The following MBD1 variants were observed in gnomAD, a reference collection of about 807,000 sequenced individuals.
MBD1 encodes the protein methyl-CpG-binding domain protein 1.
MBD1 carries 25 observed loss-of-function variants against 82.6 expected under a neutral mutation model. The ratio of observed to expected loss-of-function variants is 0.30; its 90% CI spans 0.22 to 0.42. The LOEUF (loss-of-function observed/expected upper bound fraction) is 0.42. Ranked by LOEUF, MBD1 falls within the 10% of genes least tolerant of loss-of-function variation. The pLI is 1.00. For missense variants in MBD1, 627 were observed against 819.6 expected, an observed-to-expected ratio of 0.76 and a Z score of 2.87; for synonymous variants, 301 against 303.7, an observed-to-expected ratio of 0.99 and a Z score of 0.09.
chr18:50,270,006 T>A (rs769899390), intron 16 of MBD1, 188 bp from the exon 17 acceptor site: 7 of 1,597,462 alleles, frequency 4.4e-6, no homozygotes, highest in Non-Finnish European at 5.9e-6. Context: ...GCTTAACTCA[T>A]GAGTCTAAAT....
At chr18:50,275,517 T>C in intron 8 of MBD1, 83 bp downstream of exon 8, 2 of 1,608,038 alleles carry the variant, frequency 1.2e-6, no homozygotes, top group African/African-American at 1.3e-5. Flanking sequence ...AGACATGAGG[T>C]AGGCAAGGCC....
At chr18:50,273,040 G>T in intron 13 of MBD1, 85 bp from the exon 14 acceptor site, 2 of 1,533,490 alleles carry the variant, frequency 1.3e-6, no homozygotes, top group Non-Finnish European at 1.8e-6. Flanking sequence ...TCACTGTGCT[G>T]ACAAATCCTA....
At position 50,281,452 on chromosome 18, in the gene MBD1, C is replaced by T; in HGVS notation, c.-115G>A. Reference sequence around the variant, plus strand: ...CCTGCACCTCCCGCCTCGCCCTCCTCCCCTTCCTCCTCCTCCGCGGCCGCC... The same window carrying T: ...CCTGCACCTCCCGCCTCGCCCTCCTTCCCTTCCTCCTCCTCCGCGGCCGCC... On this transcript the variant is annotated 5_prime_UTR_variant, in exon 1 of 17. Transcript: ENST00000269468. The T allele has an allele frequency of 1.7e-6, 1 of 591,750 alleles. No homozygotes were observed. Among genetic ancestry groups the T allele is most frequent in the Non-Finnish European group, 3.0e-6 (1 of 331,592 alleles). The allele number at this position is 591,750 out of a possible 1,614,324, so 36.7% of individuals were successfully genotyped here. A position where few individuals can be genotyped will look rare whatever the true frequency, so the allele number is the denominator to read the frequency against.
intron 2 of MBD1, among the ~76,000 whole-genome samples, chr18:50,277,600 T>C (rs1441893960): frequency 1.3e-5 from 2 of 151,978 alleles, no homozygotes; most frequent in Admixed American, 1.3e-4. Flanking sequence ...ACAAATATGT[T>C]TTAAAAACAT....
downstream of MBD1, chr18:50,268,735 T>C (rs1051181334): frequency 6.0e-5 from 13 of 214,984 alleles, no homozygotes; most frequent in Non-Finnish European, 9.5e-5. Flanking sequence ...CTCAGGGTCC[T>C]TGGAAAGAAG....
At chr18:50,270,425 C>T (rs913020252) in intron 16 of MBD1, 5 of 455,230 alleles carry the variant, frequency 1.1e-5, no homozygotes, top group African/African-American at 9.9e-5. Context: ...TTGGGCAGGA[C>T]TCGAAGCAGG....
chr18:50,272,860 G>A lies in MBD1; in HGVS notation c.1680C>T (p.Ala560=), dbSNP rs2146261133. 1 of 1,614,188 alleles carries A rather than the reference G, an allele frequency of 6.2e-7. No individual in the cohort carries two copies. Among genetic ancestry groups the A allele is most frequent in the Non-Finnish European group, 8.5e-7 (1 of 1,180,018 alleles). ...ENKDDSASKL[A]PEEEAGGAGT... ...CAGCCCCTCCTGCCTCTTCCTCTGG[G>A]GCCAATTTGGAGGCAGAATCATCCT... The change falls in exon 14 of 17, where the codon GCC becomes GCT. Residue 560 remains alanine (A), a synonymous_variant. Coordinates refer to ENST00000269468, the MANE Select transcript of MBD1 (RefSeq NM_015846.4).
chr18:50,272,404 C>G (rs111703371), intron 15 of MBD1: 11 of 505,636 alleles, frequency 2.2e-5, no homozygotes, highest in Non-Finnish European at 3.2e-5. Flanking sequence ...GGACCAGACT[C>G]CCTATCTTTT....
chr18:50,275,197 T>C lies in MBD1; in HGVS notation c.841A>G (p.Arg281Gly), dbSNP rs763620378. The change falls in exon 9 of 17, where the codon AGG becomes GGG. Residue 281 changes from arginine to glycine, a missense_variant. Physicochemically the swap from Arg to Gly is moderately radical, Grantham distance 125 (BLOSUM62 -2). Transcript: ENST00000269468. Reference protein sequence around the residue: ...KGGCDSKMAARRRPGAQPLPP... With the variant: ...KGGCDSKMAAGRRPGAQPLPP... ...AGTGGCTGGGCTCCGGGGCGCCGCC[T>C]GGCAGCCATCTTGGAGTCACAGCCT... The C allele has an allele frequency of 1.9e-6, 3 of 1,614,006 alleles. No individual in the cohort carries two copies. The African/African-American group carries it at 4.0e-5, about 22-fold the overall frequency.
Position 50,273,476 on chromosome 18 carries a change from G to C in MBD1, c.1447-5C>G, listed in dbSNP as rs772959180. On this transcript the variant is annotated splice_polypyrimidine_tract_variant and splice_region_variant and intron_variant, in intron 12 of 16. Transcript: ENST00000269468. ...CAGGCCAGAGCACTGGGCCTCCTGCGTGAGGGAGGATTGCAGCAGACTTGG... is the reference window on the plus strand; with the variant it reads ...CAGGCCAGAGCACTGGGCCTCCTGCCTGAGGGAGGATTGCAGCAGACTTGG... The C allele has an allele frequency of 6.2e-7, 1 of 1,614,020 alleles. No homozygotes were observed. Among genetic ancestry groups the C allele is most frequent in the Non-Finnish European group, 8.5e-7 (1 of 1,180,038 alleles).
At chr18:50,272,999 C>T (rs1307680307) in intron 13 of MBD1, 44 bp from the exon 14 acceptor site, 2 of 1,613,014 alleles carry the variant, frequency 1.2e-6, no homozygotes, top group Non-Finnish European at 1.7e-6. Context: ...GGGCAGAGTT[C>T]ACCTGAGGAA....
At chr18:50,278,936 T>C (rs2039150289) in intron 2 of MBD1, among the ~76,000 whole-genome samples, 1 of 152,350 alleles carries the variant, frequency 6.6e-6, no homozygotes, top group Middle Eastern at 3.4e-3. Flanking sequence ...GTAAGGTTTT[T>C]TGCCAATATT....
intron 6 of MBD1, 104 bp from the exon 7 acceptor site, chr18:50,276,085 C>G: frequency 1.4e-6 from 2 of 1,425,270 alleles, no homozygotes; most frequent in Admixed American, 3.9e-5. Context: ...AATTTTAGTC[C>G]CCCATTAGCC....
chr18:50,268,164 C>T (rs1045847931), downstream of MBD1, among the ~76,000 whole-genome samples: 1 of 152,240 alleles, frequency 6.6e-6, no homozygotes. Context: ...TCGGTCCGGG[C>T]GGAACCACCC....
At chr18:50,269,906 T>C (rs994115253) in intron 16 of MBD1, 88 bp from the exon 17 acceptor site, 21 of 1,177,150 alleles carry the variant, frequency 1.8e-5, no homozygotes, top group Non-Finnish European at 2.7e-5. Flanking sequence ...CAGATCCCTA[T>C]AATAAATCCC....
chr18:50,271,147 C>T, intron 16 of MBD1: 1 of 1,183,922 alleles, frequency 8.4e-7, no homozygotes, highest in Non-Finnish European at 1.1e-6. Context: ...CTTACAATTA[C>T]TCATGAACAT....
intron 2 of MBD1, 127 bp from the exon 3 acceptor site, chr18:50,277,331 C>T: frequency 1.4e-6 from 1 of 719,408 alleles, no homozygotes; most frequent in African/African-American, 1.7e-5. Context: ...CTGCCCAGCC[C>T]CCACCTCAAC....
intron 2 of MBD1, among the ~76,000 whole-genome samples, chr18:50,278,923 T>G (rs1223014720): frequency 6.6e-6 from 1 of 152,234 alleles, no homozygotes; most frequent in African/African-American, 2.4e-5. Context: ...CCGTATGTGT[T>G]ATGTAAGGTT....
chr18:50,277,453 C>A (rs1436225383), intron 2 of MBD1, among the ~76,000 whole-genome samples: 1 of 151,630 alleles, frequency 6.6e-6, no homozygotes. Flanking sequence ...ACTAGTAATA[C>A]TGGAACTATT....
Sources: allele counts gnomAD v4.1 joint callset (sites outside exome capture counted in the v4.1 genomes callset), GRCh38; gene constraint gnomAD v4.1.1; transcripts MANE v1.5; gene names NCBI Gene and HGNC (gene_info 2026-07-23, HGNC 2026-07-21).